Variants in ASIC2 observed in about 807,000 individuals in gnomAD.
The protein encoded by ASIC2 is acid sensing ion channel subunit 2, also known as acid-sensing ion channel 2.
In ASIC2, 25 loss-of-function variants were observed where a neutral mutation model predicts 57.3. The ratio of observed to expected loss-of-function variants is 0.44; its 90% CI spans 0.32 to 0.61. ASIC2 has a LOEUF of 0.61. ASIC2 is among the 20% of genes least tolerant of loss of function. The pLI is 0.06. For missense variants in ASIC2, 641 were observed against 738.1 expected (o/e 0.87, Z 1.52); for synonymous variants, 319 against 307.5 (o/e 1.04, Z -0.39).
At chr17:33,575,125 G>A (rs1916576826) in intron 1 of ASIC2, among the ~76,000 whole-genome samples, 1 of 152,130 alleles carries the variant, frequency 6.6e-6, no homozygotes, top group Non-Finnish European at 1.5e-5. Context: ...AAAGGGGCTG[G>A]ACACAAGATC....
intron 1 of ASIC2, among the ~76,000 whole-genome samples, chr17:33,940,657 C>G (rs985671304): frequency 3.3e-5 from 5 of 152,174 alleles, no homozygotes; most frequent in Non-Finnish European, 7.3e-5. Context: ...CCTGGCTTCC[C>G]AGAGCTTGGA....
At position 33,017,588 on chromosome 17, in the gene ASIC2, G is replaced by A; in HGVS notation, c.1521+17C>T. 1 of 1,605,076 alleles carries A rather than the reference G, an allele frequency of 6.2e-7. No individual in the cohort carries two copies. Among genetic ancestry groups the A allele is most frequent in the Non-Finnish European group, 8.5e-7 (1 of 1,172,672 alleles). ...CCAGCATGCGGTCATTTCCCTGTGG[G>A]GAATCCCAAATCTTACCTCATAAAT... is the stretch of plus-strand genomic sequence containing the variant. On this transcript the variant is annotated intron_variant, in intron 8 of 9. Transcript: ENST00000225823.
intron 1 of ASIC2, among the ~76,000 whole-genome samples, chr17:33,708,258 G>T (rs1447241226): frequency 1.3e-5 from 2 of 152,190 alleles, no homozygotes; most frequent in African/African-American, 4.8e-5. Context: ...ATGGAAATTG[G>T]TTGGCTTCTT....
intron 1 of ASIC2, among the ~76,000 whole-genome samples, chr17:33,524,767 C>G (rs1914838884): frequency 6.6e-6 from 1 of 152,126 alleles, no homozygotes; most frequent in South Asian, 2.1e-4. Context: ...GAGACAGGGT[C>G]TCATTATGTT....
At chr17:33,019,970 G>A (rs987617890) in intron 7 of ASIC2, among the ~76,000 whole-genome samples, 6 of 152,112 alleles carry the variant, frequency 3.9e-5, no homozygotes, top group Non-Finnish European at 5.9e-5. Flanking sequence ...GAAATAAAGG[G>A]CAAGGCCAGC....
chr17:33,429,357 T>C (rs1265289009), intron 1 of ASIC2, among the ~76,000 whole-genome samples: 1 of 152,164 alleles, frequency 6.6e-6, no homozygotes, highest in Non-Finnish European at 1.5e-5. Flanking sequence ...AGTACCTTGT[T>C]CAGCCTAGGT....
intron 1 of ASIC2, among the ~76,000 whole-genome samples, chr17:33,854,108 G>A (rs758203442): frequency 7.9e-5 from 12 of 152,160 alleles, no homozygotes; most frequent in Non-Finnish European, 1.6e-4. Flanking sequence ...CAGATTGTCC[G>A]CCCCAGTAAA....
chr17:33,108,880 C>G (rs951971390), intron 2 of ASIC2, among the ~76,000 whole-genome samples: 4 of 151,158 alleles, frequency 2.6e-5, no homozygotes, highest in African/African-American at 9.7e-5. Context: ...TAGTATGACC[C>G]GAGGAATATG....
intron 1 of ASIC2, among the ~76,000 whole-genome samples, chr17:33,605,814 C>A (rs1905218267): frequency 6.6e-6 from 1 of 152,208 alleles, no homozygotes. Context: ...AACTGGGTCC[C>A]TGGCAGCCTT....
intron 1 of ASIC2, among the ~76,000 whole-genome samples, chr17:33,133,826 G>A (rs1367100401): frequency 6.6e-6 from 1 of 152,186 alleles, no homozygotes; most frequent in East Asian, 1.9e-4. Flanking sequence ...GAGGTTAAAA[G>A]TAAAAGAGAA....
intron 1 of ASIC2, among the ~76,000 whole-genome samples, chr17:33,237,477 A>G (rs2142115405): frequency 6.6e-6 from 1 of 152,130 alleles, no homozygotes; most frequent in Admixed American, 6.5e-5. Flanking sequence ...CAGCTTCCCA[A>G]GTAGCTGGGA....
intron 3 of ASIC2, among the ~76,000 whole-genome samples, chr17:33,073,345 G>C (rs544312211): frequency 1.3e-5 from 2 of 152,186 alleles, no homozygotes; most frequent in African/African-American, 2.4e-5. Flanking sequence ...TCCACATGGA[G>C]TGGTCAGAAG....
At chr17:33,552,572 GC>G (rs1289756758) in intron 1 of ASIC2, among the ~76,000 whole-genome samples, 1 of 152,186 alleles carries the variant, frequency 6.6e-6, no homozygotes, top group East Asian at 1.9e-4. Flanking sequence ...TTCCTACTTT[GC>G]AAAAGGAAAG....
At chr17:33,819,207 A>G (rs1338631680) in intron 1 of ASIC2, among the ~76,000 whole-genome samples, 3 of 152,224 alleles carry the variant, frequency 2.0e-5, no homozygotes, top group Admixed American at 6.5e-5. Context: ...ATTCTTTCAC[A>G]TCTGCACTGA....
chr17:33,579,089 A>G (rs1410765782), intron 1 of ASIC2, among the ~76,000 whole-genome samples: 5 of 150,240 alleles, frequency 3.3e-5, no homozygotes, highest in Non-Finnish European at 7.4e-5. Context: ...GATTCAGACC[A>G]GTCTGGCCAA....
At chr17:33,507,274 G>C (rs1223898284) in intron 1 of ASIC2, among the ~76,000 whole-genome samples, 1 of 152,160 alleles carries the variant, frequency 6.6e-6, no homozygotes, top group Non-Finnish European at 1.5e-5. Context: ...CTTCCTCCCA[G>C]AGAGGGCCCA....
chr17:33,304,318 G>A (rs888006767), intron 1 of ASIC2, among the ~76,000 whole-genome samples: 2 of 152,202 alleles, frequency 1.3e-5, no homozygotes. Flanking sequence ...GCGAGACAGG[G>A]TTTAGTTACA....
At chr17:34,132,797 T>C (rs1390051829) in intron 1 of ASIC2, among the ~76,000 whole-genome samples, 2 of 152,172 alleles carry the variant, frequency 1.3e-5, no homozygotes, top group Non-Finnish European at 2.9e-5. Context: ...CAAGTGTGTG[T>C]GTAGGTGTTC....
chr17:33,360,551 T>G (rs1908558721), intron 1 of ASIC2, among the ~76,000 whole-genome samples: 2 of 152,234 alleles, frequency 1.3e-5, no homozygotes, highest in South Asian at 4.1e-4. Flanking sequence ...GCTCTTTCTT[T>G]GTGTATTTTT....
Sources: allele counts gnomAD v4.1 joint callset (sites outside exome capture counted in the v4.1 genomes callset), GRCh38; gene constraint gnomAD v4.1.1; transcripts MANE v1.5; gene names NCBI Gene and HGNC (gene_info 2026-07-23, HGNC 2026-07-21).